The following MPPED2 variants were observed in gnomAD, a reference collection of about 807,000 sequenced individuals.
MPPED2 encodes metallophosphoesterase domain containing 2.
MPPED2 carries 5 observed loss-of-function variants against 33.0 expected under a neutral mutation model. The ratio of observed to expected loss-of-function variants is 0.15; its 90% CI spans 0.08 to 0.32. MPPED2 has a LOEUF of 0.32. MPPED2 is among the 10% of genes least tolerant of loss of function. MPPED2 has a pLI of 1.00. For missense variants in MPPED2, 275 were observed against 372.1 expected, an observed-to-expected ratio of 0.74 and a Z score of 2.15; for synonymous variants, 136 against 141.9, an observed-to-expected ratio of 0.96 and a Z score of 0.29.
chr11:30,585,035 T>G (rs1032497520), intron 1 of MPPED2: 1 of 152,214 alleles, frequency 6.6e-6, no homozygotes, highest in African/African-American at 2.4e-5. Context: ...TCAACTTCAC[T>G]GGGGCATCCT....
intron 4 of MPPED2, among the ~76,000 whole-genome samples, chr11:30,471,101 C>T (rs1414731081): frequency 6.6e-6 from 1 of 152,296 alleles, no homozygotes; most frequent in African/African-American, 2.4e-5. Context: ...TTAATCTTAA[C>T]TTCTCCCTTG....
intron 3 of MPPED2, among the ~76,000 whole-genome samples, chr11:30,527,002 G>A (rs1038381351): frequency 4.0e-5 from 6 of 151,708 alleles, no homozygotes; most frequent in Non-Finnish European, 7.4e-5. Flanking sequence ...TCGGCTCACT[G>A]CAAGCTCCGC....
chr11:30,486,252 C>T (rs956467944), intron 4 of MPPED2, among the ~76,000 whole-genome samples: 2 of 152,172 alleles, frequency 1.3e-5, no homozygotes, highest in Non-Finnish European at 2.9e-5. Context: ...CAATGGGACT[C>T]TAGTGGGCTC....
At chr11:30,424,380 C>T (rs776176110) in intron 4 of MPPED2, among the ~76,000 whole-genome samples, 85 of 152,192 alleles carry the variant, frequency 5.6e-4, no homozygotes, top group Non-Finnish European at 9.1e-4. Context: ...TGAATTGCAA[C>T]CTTCTTCACG....
intron 6 of MPPED2, 109 bp downstream of exon 6, chr11:30,414,119 G>A (rs911870621): frequency 1.4e-6 from 1 of 701,360 alleles, no homozygotes; most frequent in Admixed American, 2.2e-5. Context: ...TTATAAAAGG[G>A]TCCCGCTGCT....
intron 4 of MPPED2, 65 bp downstream of exon 4, chr11:30,495,231 T>G: frequency 2.7e-5 from 30 of 1,094,084 alleles, no homozygotes; most frequent in Non-Finnish European, 3.5e-5. Flanking sequence ...CATCTAAATC[T>G]GAGCTGTGTT....
chr11:30,535,104 T>G (rs931188396), intron 3 of MPPED2, among the ~76,000 whole-genome samples: 14 of 152,300 alleles, frequency 9.2e-5, no homozygotes, highest in Admixed American at 8.5e-4. Flanking sequence ...ATATCATCTT[T>G]CCACTAACAC....
chr11:30,539,907 C>T (rs760467290), intron 2 of MPPED2, among the ~76,000 whole-genome samples: 1 of 152,152 alleles, frequency 6.6e-6, no homozygotes, highest in East Asian at 1.9e-4. Flanking sequence ...AGATTATAGG[C>T]GTGAGCCACC....
chr11:30,495,544 C>G, intron 3 of MPPED2, 23 bp from the exon 4 acceptor site: 1 of 1,548,606 alleles, frequency 6.5e-7, no homozygotes, highest in Non-Finnish European at 8.9e-7. Context: ...AAAAGAGCAC[C>G]AATTAGCACG....
chr11:30,388,745 G>A, exon 7 of MPPED2: 1 of 1,131,208 alleles, frequency 8.8e-7, no homozygotes, highest in Non-Finnish European at 1.2e-6. Context: ...TCCTCCTCAT[G>A]CCTTCTTTGT....
intron 3 of MPPED2, among the ~76,000 whole-genome samples, chr11:30,511,008 T>C (rs1953147239): frequency 6.6e-6 from 1 of 152,230 alleles, no homozygotes; most frequent in Admixed American, 6.5e-5. Context: ...TTTAACTCTC[T>C]CTTCCCTCAC....
At chr11:30,484,851 T>C (rs1951647184) in intron 4 of MPPED2, among the ~76,000 whole-genome samples, 1 of 152,114 alleles carries the variant, frequency 6.6e-6, no homozygotes, top group Admixed American at 6.6e-5. Context: ...TCTTCCTTTA[T>C]CCCCCTTCCC....
At chr11:30,525,686 T>C (rs1051360296) in intron 3 of MPPED2, among the ~76,000 whole-genome samples, 5 of 152,116 alleles carry the variant, frequency 3.3e-5, no homozygotes, top group Non-Finnish European at 7.3e-5. Context: ...CCTTTCTGGA[T>C]CTCCACCCAT....
chr11:30,448,479 T>C (rs1949910411), intron 4 of MPPED2, among the ~76,000 whole-genome samples: 1 of 152,096 alleles, frequency 6.6e-6, no homozygotes, highest in Non-Finnish European at 1.5e-5. Context: ...CCACAGATTA[T>C]CCTGCTACAC....
chr11:30,485,425 A>AATAACATGTGTAACATTTACACATTACAC (rs1951680558), intron 4 of MPPED2, among the ~76,000 whole-genome samples: 2 of 138,340 alleles, frequency 1.4e-5, no homozygotes, highest in Middle Eastern at 3.4e-3. Flanking sequence ...TAACAAGGTA[A>AATAACATGTGTAACATTTACACATTACAC]ATAACATGTG....
chr11:30,535,973 C>CA, intron 3 of MPPED2, 21 bp downstream of exon 3: 1 of 1,568,316 alleles, frequency 6.4e-7, no homozygotes, highest in Non-Finnish European at 8.6e-7. Flanking sequence ...TTGGGGCCGC[C>CA]AGAACGCAAT....
At chr11:30,435,265 T>C (rs540285794) in intron 4 of MPPED2, among the ~76,000 whole-genome samples, 2 of 152,240 alleles carry the variant, frequency 1.3e-5, no homozygotes, top group Non-Finnish European at 2.9e-5. Context: ...CTCTACTCTT[T>C]ATCTGGTGAC....
At chr11:30,400,097 T>TA (rs1301782552) in intron 6 of MPPED2, among the ~76,000 whole-genome samples, 1 of 152,148 alleles carries the variant, frequency 6.6e-6, no homozygotes, top group Non-Finnish European at 1.5e-5. Context: ...TTTAATTTCT[T>TA]AGAGATAGGA....
At chr11:30,554,096 GT>G (rs1955850594) in intron 2 of MPPED2, among the ~76,000 whole-genome samples, 1 of 152,136 alleles carries the variant, frequency 6.6e-6, no homozygotes, top group Non-Finnish European at 1.5e-5. Context: ...TGGGTACTTT[GT>G]GAATTTCTCA....
Sources: allele counts gnomAD v4.1 joint callset (sites outside exome capture counted in the v4.1 genomes callset), GRCh38; gene constraint gnomAD v4.1.1; transcripts MANE v1.5; gene names NCBI Gene and HGNC (gene_info 2026-07-23, HGNC 2026-07-21).